TBC1D22B: variants seen among roughly 807,000 people sequenced by gnomAD.
TBC1D22B encodes the protein TBC1 domain family member 22B, also known as chromosome 6 open reading frame 197.
Under a neutral mutation model 69.1 loss-of-function variants are expected in TBC1D22B, and 32 were observed. The ratio of observed to expected loss-of-function variants is 0.46; its 90% confidence interval spans 0.35 to 0.62. The LOEUF (loss-of-function observed/expected upper bound fraction) is 0.62. Ranked by LOEUF, TBC1D22B falls within the 20% of genes least tolerant of loss-of-function variation. The probability of loss-of-function intolerance (pLI) is 0.00; values close to 1 mark genes in which losing one functional copy is unlikely to be tolerated. For synonymous variants in TBC1D22B, 206 were observed against 229.8 expected, an observed-to-expected ratio of 0.90 and a Z score of 0.94; for missense variants, 462 against 630.9, an observed-to-expected ratio of 0.73 and a Z score of 2.87.
intron 12 of TBC1D22B, among the ~76,000 whole-genome samples, chr6:37,326,425 T>C (rs191721221): frequency 6.6e-6 from 1 of 151,792 alleles, no homozygotes; most frequent in Non-Finnish European, 1.5e-5. Flanking sequence ...ATGTCCTTTG[T>C]TGGCTGTTCT....
In TBC1D22B at chr6:37,291,308, T is replaced by C; in HGVS notation, c.933T>C (p.Ile311=). 1 of 1,613,880 alleles carries C rather than the reference T, an allele frequency of 6.2e-7. No homozygotes were observed. Among genetic ancestry groups the C allele is most frequent in the Non-Finnish European group, 8.5e-7 (1 of 1,179,908 alleles). The change falls in exon 8 of 13, where the codon ATT becomes ATC. Residue 311 remains isoleucine, a synonymous_variant. Transcript: ENST00000373491. ...CTGCCAGTGGGTATGTCCAGGGAAT[T>C]AATGACCTGGTCACTCCATTCTTTG... The part of the protein sequence containing the change: ...RHPASGYVQG[I]NDLVTPFFVV...
chr6:37,302,452 T>C (rs577935700), intron 8 of TBC1D22B, among the ~76,000 whole-genome samples: 1 of 152,364 alleles, frequency 6.6e-6, no homozygotes, highest in South Asian at 2.1e-4. Flanking sequence ...TAATTGACCA[T>C]GCAGCCATCA....
intron 8 of TBC1D22B, among the ~76,000 whole-genome samples, chr6:37,293,581 C>A (rs1034626382): frequency 1.1e-4 from 16 of 151,790 alleles, no homozygotes; most frequent in African/African-American, 3.2e-4. Flanking sequence ...CCCTGAGACA[C>A]AACAATATTC....
intron 11 of TBC1D22B, 110 bp downstream of exon 11, chr6:37,316,940 A>G: frequency 6.4e-7 from 1 of 1,563,528 alleles, no homozygotes; most frequent in South Asian, 1.2e-5. Context: ...CCTCTTTTCT[A>G]CTTCCATGTC....
At chr6:37,262,965 T>C (rs1766155804) in intron 1 of TBC1D22B, among the ~76,000 whole-genome samples, 1 of 152,248 alleles carries the variant, frequency 6.6e-6, no homozygotes, top group Non-Finnish European at 1.5e-5. Flanking sequence ...TTTGTTCCAT[T>C]TTGTCTGCGT....
intron 1 of TBC1D22B, among the ~76,000 whole-genome samples, chr6:37,261,265 C>T (rs376778028): frequency 7.9e-5 from 12 of 152,002 alleles, no homozygotes; most frequent in African/African-American, 2.7e-4. Context: ...AACCCCCCAT[C>T]TCTACTAAAA....
chr6:37,274,895 T>TG (rs1180536018), intron 2 of TBC1D22B, among the ~76,000 whole-genome samples: 3 of 152,108 alleles, frequency 2.0e-5, no homozygotes, highest in African/African-American at 7.2e-5. Context: ...CTACTAAAAA[T>TG]ACAAAAATTA....
chr6:37,292,209 A>G (rs141690608), intron 8 of TBC1D22B, among the ~76,000 whole-genome samples: 2 of 152,208 alleles, frequency 1.3e-5, no homozygotes, highest in Non-Finnish European at 2.9e-5. Flanking sequence ...TAGAACTAAA[A>G]CCATTTTCTT....
Position 37,313,907 on chromosome 6 carries a change from G to A in TBC1D22B, c.1165+16G>A. 1.2e-6 allele frequency: 2 copies of A among 1,612,904 alleles called. No individual in the cohort carries two copies. Among genetic ancestry groups the A allele is most frequent in the Non-Finnish European group, 1.7e-6 (2 of 1,178,872 alleles). The stretch of plus-strand genomic sequence containing the variant: ...CGGATTGATGGTAGGTTCAGAGGGA[G>A]AAGAGTTCTCTAGCAATAGCAGAGT... On this transcript the variant is annotated intron_variant, in intron 10 of 12. Transcript: ENST00000373491.
chr6:37,331,191 A>C lies in TBC1D22B; in HGVS notation c.*19A>C. 1 of 1,613,084 alleles carries C rather than the reference A, an allele frequency of 6.2e-7. No homozygotes were observed. Among genetic ancestry groups the C allele is most frequent in the East Asian group, 2.2e-5 (1 of 44,850 alleles). On this transcript the variant is annotated 3_prime_UTR_variant, in exon 13 of 13. Transcript: ENST00000373491. ...CCGATAGGTGCTGTCTCCTCCGGGG[A>C]CCCAGACTGCCTTCATCTCTGATGG...
At chr6:37,286,951 A>T in intron 6 of TBC1D22B, 56 bp from the exon 7 acceptor site, 1 of 1,539,096 alleles carries the variant, frequency 6.5e-7, no homozygotes, top group Non-Finnish European at 8.8e-7. Flanking sequence ...TCTCAAAAAA[A>T]CAAAAACAAA....
intron 1 of TBC1D22B, among the ~76,000 whole-genome samples, chr6:37,264,413 A>G (rs1022324730): frequency 2.0e-5 from 3 of 152,176 alleles, no homozygotes; most frequent in Non-Finnish European, 4.4e-5. Flanking sequence ...CCCAGACTCA[A>G]GCAATTCTTG....
At chr6:37,308,205 A>G (rs1233745193) in intron 8 of TBC1D22B, among the ~76,000 whole-genome samples, 2 of 152,146 alleles carry the variant, frequency 1.3e-5, no homozygotes, top group Admixed American at 1.3e-4. Flanking sequence ...CTGCTGCTGT[A>G]TGCTCTTGTC....
chr6:37,313,971 C>A, intron 10 of TBC1D22B, 80 bp downstream of exon 10: 1 of 1,301,392 alleles, frequency 7.7e-7, no homozygotes, highest in Non-Finnish European at 1.1e-6. Flanking sequence ...TGGGTCCTCT[C>A]CTCAGCTGTC....
At chr6:37,311,585 A>G (rs938642857) in intron 8 of TBC1D22B, among the ~76,000 whole-genome samples, 2 of 152,058 alleles carry the variant, frequency 1.3e-5, no homozygotes, top group African/African-American at 4.8e-5. Context: ...AGGTGGGAGG[A>G]TCATCTGAGC....
chr6:37,260,158 A>ACTTT (rs1766033225), intron 1 of TBC1D22B, among the ~76,000 whole-genome samples: 1 of 152,220 alleles, frequency 6.6e-6, no homozygotes. Context: ...ATAGAAAGGT[A>ACTTT]CTTTGGTTTA....
Position 37,282,286 on chromosome 6 carries a change from GC to G in TBC1D22B, c.530del (p.Pro177GlnfsTer2), listed in dbSNP as rs757209781. 1.2e-6 allele frequency: 2 copies of G among 1,613,678 alleles called. No homozygotes were observed. The highest frequency in any genetic ancestry group is 1.3e-5 in the African/African-American group (1 of 74,824). The part of the protein sequence containing the change: ...ARISDQNASG[A>X]PPMTVREKTR... Reference sequence around the variant, plus strand: ...GATCTCGGATCAGAACGCTTCTGGGGCCCCCCCAATGACTGTCCGGGAGAAA... The same window carrying G: ...GATCTCGGATCAGAACGCTTCTGGGGCCCCCCAATGACTGTCCGGGAGAAA... On this transcript the variant is annotated frameshift_variant, in exon 4 of 13. Coordinates refer to ENST00000373491, the MANE Select transcript of TBC1D22B (RefSeq NM_017772.4). LOFTEE classifies it high-confidence loss of function.
Position 37,281,264 on chromosome 6 carries a change from C to T in TBC1D22B, c.422-921C>T, listed in dbSNP as rs1039792273. Among the ~76,000 whole-genome samples, 4 of 152,192 alleles carry T rather than the reference C, an allele frequency of 2.6e-5. No individual in the cohort carries two copies. In the South Asian group the frequency reaches 8.3e-4, roughly 31 times the overall value. On this transcript the variant is annotated intron_variant, in intron 3 of 12. Transcript: ENST00000373491. Reference sequence around the variant, plus strand: ...TTGTCTGTAAAATAGTTATACATTCCTACCATATGTTCTAAGGATCAAATG... The same window carrying T: ...TTGTCTGTAAAATAGTTATACATTCTTACCATATGTTCTAAGGATCAAATG...
At chr6:37,259,387 T>C (rs1765988229) in intron 1 of TBC1D22B, among the ~76,000 whole-genome samples, 1 of 152,152 alleles carries the variant, frequency 6.6e-6, no homozygotes, top group South Asian at 2.1e-4. Context: ...AGCTCTCTAG[T>C]TGTGCTAACT....
Sources: allele counts gnomAD v4.1 joint callset (sites outside exome capture counted in the v4.1 genomes callset), GRCh38; gene constraint gnomAD v4.1.1; transcripts MANE v1.5; gene names NCBI Gene and HGNC (gene_info 2026-07-23, HGNC 2026-07-21).